CSMD2: variants seen among roughly 807,000 people sequenced by gnomAD.
The protein encoded by CSMD2 is CUB and Sushi multiple domains 2.
A neutral mutation model predicts 398.5 loss-of-function variants in CSMD2; 130 were observed. The observed-to-expected ratio is 0.33, with a 90% CI of 0.28 to 0.38. The LOEUF (loss-of-function observed/expected upper bound fraction) is 0.38, where lower values mean the gene tolerates loss of function less well. Among genes scored for constraint, CSMD2 ranks in the 10% least tolerant of loss-of-function variants. The pLI, the probability that CSMD2 is intolerant of heterozygous loss-of-function variation, is 1.00. For missense variants in CSMD2, 3,829 were observed against 4,764.9 expected, an observed-to-expected ratio of 0.80 and a Z score of 5.78; for synonymous variants, 1,828 against 1,908.5, an observed-to-expected ratio of 0.96 and a Z score of 1.10.
chr1:33,870,216 C>T (rs921155984), intron 5 of CSMD2: 2 of 152,126 alleles, frequency 1.3e-5, no homozygotes, highest in Non-Finnish European at 2.9e-5. Context: ...TCAAACAGTA[C>T]CTGCCCCTTA....
chr1:33,637,809 A>G (rs749762027), intron 29 of CSMD2, among the ~76,000 whole-genome samples: 37 of 152,176 alleles, frequency 2.4e-4, no homozygotes, highest in Admixed American at 9.8e-4. Context: ...TCAGAAATTC[A>G]AAGAGTGGAG....
chr1:33,698,962 G>C lies in CSMD2; in HGVS notation c.3734-18C>G, dbSNP rs750691282. 1.2e-6 allele frequency: 2 copies of C among 1,605,962 alleles called. No individual in the cohort carries two copies. The highest frequency in any genetic ancestry group is 2.2e-5 in the South Asian group (2 of 89,756). ...TTCAAAGCCTGGTGAGGAGAGAAGA[G>C]GTAGAGTGAGTAAGACCTATTGTGG... is the stretch of plus-strand genomic sequence containing the variant. On this transcript the variant is annotated intron_variant, in intron 23 of 70. Transcript: ENST00000373381.
chr1:33,988,169 C>A (rs534750876), intron 3 of CSMD2, among the ~76,000 whole-genome samples: 2 of 152,330 alleles, frequency 1.3e-5, no homozygotes, highest in South Asian at 2.1e-4. Flanking sequence ...TTAATACATA[C>A]CTTTTAATTA....
chr1:33,897,114 T>C (rs112121203), intron 5 of CSMD2, among the ~76,000 whole-genome samples: 3 of 152,224 alleles, frequency 2.0e-5, no homozygotes, highest in East Asian at 3.9e-4. Flanking sequence ...GGCTCCTCTA[T>C]GGGGTAAACT....
In CSMD2 at chr1:33,724,606, T is replaced by C; in HGVS notation, c.2794A>G (p.Ser932Gly). ...DFYVGALVTF[S>G]CDSGYTLSDG... ...CTTAATGTGTAGCCCGAGTCACAGC[T>C]GAAGGTCACCAGCGCGCCCACGTAG... The change falls in exon 18 of 71, where the codon AGC (serine) becomes GGC (glycine). Residue 932 changes from serine (S) to glycine (G), a missense_variant. Physicochemically the swap from Ser to Gly is moderately conservative, Grantham distance 56 (BLOSUM62 0). This residue lies in a region of CSMD2 where 2,001 missense variants were observed against 2,567.1 expected (regional missense o/e 0.78). Transcript: ENST00000373381. 6.2e-7 allele frequency: 1 copy of C among 1,614,164 alleles called. No homozygotes were observed. The highest frequency in any genetic ancestry group is 8.5e-7 in the Non-Finnish European group (1 of 1,180,032).
At chr1:33,743,934 C>T (rs892819770) in intron 13 of CSMD2, among the ~76,000 whole-genome samples, 1 of 152,204 alleles carries the variant, frequency 6.6e-6, no homozygotes, top group Non-Finnish European at 1.5e-5. Flanking sequence ...ATCCAACTGT[C>T]TATTTGTATA....
At chr1:33,558,844 A>G (rs1658284231) in intron 54 of CSMD2, among the ~76,000 whole-genome samples, 1 of 151,426 alleles carries the variant, frequency 6.6e-6, no homozygotes. Flanking sequence ...TTTCATCAAG[A>G]ATGGGGATCT....
At chr1:33,595,683 G>A (rs114615919) in intron 44 of CSMD2, among the ~76,000 whole-genome samples, 2,793 of 152,288 alleles carry the variant, frequency 0.018, 48 homozygotes, top group Non-Finnish European at 0.027. Context: ...CAGATTCTAT[G>A]TCCCTTTGAC....
chr1:33,680,304 C>T (rs1470272837), intron 25 of CSMD2, among the ~76,000 whole-genome samples: 1 of 151,980 alleles, frequency 6.6e-6, no homozygotes, highest in Non-Finnish European at 1.5e-5. Context: ...TTTTATCCAA[C>T]CCAAGAATCT....
chr1:33,563,555 CACTT>C (rs1231879798), intron 53 of CSMD2, among the ~76,000 whole-genome samples: 1 of 152,118 alleles, frequency 6.6e-6, no homozygotes, highest in African/African-American at 2.4e-5. Context: ...GTCATTGTCT[CACTT>C]AATCCTCACA....
chr1:34,105,491 G>A (rs1018505763), intron 1 of CSMD2, among the ~76,000 whole-genome samples: 9 of 152,118 alleles, frequency 5.9e-5, no homozygotes, highest in African/African-American at 1.7e-4. Flanking sequence ...ACCTTCTGCC[G>A]TTTTCATTCA....
chr1:33,940,406 C>T (rs1013740276), intron 3 of CSMD2, among the ~76,000 whole-genome samples: 2 of 152,142 alleles, frequency 1.3e-5, no homozygotes, highest in East Asian at 1.9e-4. Context: ...AGGGCTGTTG[C>T]GCAGATTAAA....
At chr1:33,734,506 G>A (rs934264251) in intron 15 of CSMD2, among the ~76,000 whole-genome samples, 2 of 152,098 alleles carry the variant, frequency 1.3e-5, no homozygotes, top group Non-Finnish European at 2.9e-5. Flanking sequence ...AAATACAGGG[G>A]CCAGGTGTGG....
chr1:33,674,420 T>C (rs1352026695), intron 25 of CSMD2, among the ~76,000 whole-genome samples: 1 of 152,112 alleles, frequency 6.6e-6, no homozygotes, highest in Non-Finnish European at 1.5e-5. Flanking sequence ...ATCCTAAATA[T>C]ATATGCACCC....
At chr1:34,153,587 C>T (rs906857393) in intron 1 of CSMD2, among the ~76,000 whole-genome samples, 1 of 152,182 alleles carries the variant, frequency 6.6e-6, no homozygotes, top group Admixed American at 6.5e-5. Flanking sequence ...AGAGCTCAGG[C>T]GCACAGAGGC....
chr1:34,032,125 T>C (rs576430854), intron 3 of CSMD2, among the ~76,000 whole-genome samples: 26 of 152,168 alleles, frequency 1.7e-4, no homozygotes, highest in Non-Finnish European at 3.1e-4. Flanking sequence ...CCCTAATCCA[T>C]GCTATTAAGG....
chr1:33,543,358 T>C (rs1277898225), intron 57 of CSMD2, among the ~76,000 whole-genome samples: 1 of 152,270 alleles, frequency 6.6e-6, no homozygotes, highest in East Asian at 1.9e-4. Context: ...AACCAGAACA[T>C]CTGTCCTATA....
At chr1:34,013,494 C>A (rs939349281) in intron 3 of CSMD2, among the ~76,000 whole-genome samples, 1 of 152,184 alleles carries the variant, frequency 6.6e-6, no homozygotes, top group Non-Finnish European at 1.5e-5. Context: ...GAGCTGGGCA[C>A]CTGCTTCAGG....
chr1:33,829,191 A>G (rs901084131), intron 6 of CSMD2, among the ~76,000 whole-genome samples: 7 of 152,136 alleles, frequency 4.6e-5, no homozygotes, highest in Admixed American at 6.5e-5. Context: ...CCAACAACAC[A>G]AACTCTACAA....
Sources: gnomAD v4.1 joint callset for allele counts (sites outside exome capture counted in the v4.1 genomes callset) on GRCh38, gnomAD v4.1.1 for gene constraint, gnomAD v4.1.1 regional missense constraint, MANE v1.5 for transcripts, NCBI Gene and HGNC (gene_info 2026-07-23, HGNC 2026-07-21) for gene names.